OPCML: variants seen among roughly 807,000 people sequenced by gnomAD.
OPCML encodes opioid binding protein/cell adhesion molecule like.
OPCML carries 13 observed loss-of-function variants against 37.8 expected under a neutral mutation model. The ratio of observed to expected loss-of-function variants is 0.34; its 90% CI spans 0.22 to 0.55. The LOEUF (loss-of-function observed/expected upper bound fraction) is 0.55. OPCML is among the 20% of genes least tolerant of loss of function. OPCML has a pLI of 0.91. For missense variants in OPCML, 341 were observed against 435.6 expected, an observed-to-expected ratio of 0.78 and a Z score of 1.93; for synonymous variants, 176 against 168.8, an observed-to-expected ratio of 1.04 and a Z score of -0.33.
intron 2 of OPCML, among the ~76,000 whole-genome samples, chr11:132,846,472 C>T (rs953081186): frequency 2.6e-5 from 4 of 152,126 alleles, no homozygotes; most frequent in African/African-American, 9.7e-5. Flanking sequence ...TATCTGCTTC[C>T]TAATGAAAAT....
chr11:132,842,640 C>T (rs1399249151), intron 2 of OPCML, among the ~76,000 whole-genome samples: 2 of 152,138 alleles, frequency 1.3e-5, no homozygotes, highest in African/African-American at 4.8e-5. Context: ...CCTCTAGGTA[C>T]TATTTTCAAA....
At chr11:132,431,162 A>G (rs572061627) in intron 7 of OPCML, among the ~76,000 whole-genome samples, 2 of 152,226 alleles carry the variant, frequency 1.3e-5, no homozygotes, top group Non-Finnish European at 2.9e-5. Context: ...GGAGCAAGCT[A>G]CTGTGCAAAG....
chr11:133,213,227 T>TG (rs1388121377), intron 1 of OPCML, among the ~76,000 whole-genome samples: 1 of 144,134 alleles, frequency 6.9e-6, no homozygotes, highest in African/African-American at 2.8e-5. Context: ...TAATGAGTTT[T>TG]TTTTTTTTTT....
At chr11:133,135,338 C>T (rs1565464473) in intron 1 of OPCML, among the ~76,000 whole-genome samples, 3 of 152,098 alleles carry the variant, frequency 2.0e-5, no homozygotes, top group Admixed American at 2.0e-4. Context: ...ACCAGAATCA[C>T]ACCCTTTGAC....
intron 1 of OPCML, among the ~76,000 whole-genome samples, chr11:133,472,162 T>C (rs1668101638): frequency 6.6e-6 from 1 of 152,202 alleles, no homozygotes; most frequent in African/African-American, 2.4e-5. Flanking sequence ...TTTTAGTTGC[T>C]TTTCTTTTCT....
rs139778474 is a variant in OPCML at position 132,853,337 on chromosome 11, G to A, written c.146+89589C>T. Among the ~76,000 whole-genome samples the A allele has an allele frequency of 9.2e-3, 1,393 of 152,208 alleles. 12 individuals are homozygous for A. Among genetic ancestry groups the A allele is most frequent in the Non-Finnish European group, 0.013 (912 of 68,016 alleles). The stretch of plus-strand genomic sequence containing the variant: ...ATTTTTATATTATATAATGAAATGT[G>A]TCAATATTTGGAGGATCTGCATAAC... On this transcript the variant is annotated intron_variant, in intron 2 of 7. Coordinates refer to ENST00000524381, the MANE Select transcript of OPCML (RefSeq NM_001012393.5).
At chr11:133,155,915 G>A (rs1337719378) in intron 1 of OPCML, among the ~76,000 whole-genome samples, 1 of 152,046 alleles carries the variant, frequency 6.6e-6, no homozygotes, top group Non-Finnish European at 1.5e-5. Context: ...CCTGACCTTT[G>A]TACCTACTGA....
Position 133,188,920 on chromosome 11 carries a change from C to T in OPCML, c.62-245910G>A, listed in dbSNP as rs530220849. On this transcript the variant is annotated intron_variant, in intron 1 of 7. Transcript: ENST00000524381. ...GAAGGCTGGTTTAGTGATGGATTTG[C>T]ATTTACTACTAGCCAGGTGATATCA... Among the ~76,000 whole-genome samples, 17 of 152,222 alleles carry T rather than the reference C, an allele frequency of 1.1e-4. 1 individual carries two copies. The South Asian group carries it at 3.5e-3, about 32-fold the overall frequency.
chr11:132,601,002 C>T (rs946027783), intron 3 of OPCML, among the ~76,000 whole-genome samples: 5 of 151,736 alleles, frequency 3.3e-5, no homozygotes, highest in Non-Finnish European at 5.9e-5. Flanking sequence ...AAACAGTTAA[C>T]ATTAATCAAA....
chr11:132,771,724 A>G (rs1408678064), intron 2 of OPCML: 3 of 152,228 alleles, frequency 2.0e-5, no homozygotes, highest in Non-Finnish European at 4.4e-5. Flanking sequence ...GAGTCAGTCA[A>G]TGAAAACGCA....
At position 133,297,355 on chromosome 11, in the gene OPCML, A is replaced by G. The variant is rs373810488; in HGVS notation, c.61+234909T>C. 7.2e-5 allele frequency: 11 copies of G among 152,318 alleles called. No individual in the cohort carries two copies. In the East Asian group the frequency reaches 2.1e-3, roughly 29 times the overall value. The allele number at this position is 152,318 out of a possible 1,614,324, so 9.4% of individuals were successfully genotyped here. ...ACCCAAGTTTTAAATACCCAGGGAA[A>G]GGTCAGTTGTGAAAATGGAACTTTG... On this transcript the variant is annotated intron_variant, in intron 1 of 7. Coordinates refer to ENST00000524381, the MANE Select transcript of OPCML (RefSeq NM_001012393.5).
Position 133,205,300 on chromosome 11 carries a change from C to G in OPCML, c.62-262290G>C, listed in dbSNP as rs1485922681. Among the ~76,000 whole-genome samples, 1 of 152,146 alleles carries G rather than the reference C, an allele frequency of 6.6e-6. No individual in the cohort carries two copies. Among genetic ancestry groups the G allele is most frequent in the Admixed American group, 6.5e-5 (1 of 15,284 alleles). On this transcript the variant is annotated intron_variant, in intron 1 of 7. Transcript: ENST00000524381. This position sits in a 1 kb window ranked among gnomAD's most constrained non-coding sequence, Gnocchi z 4.8. Reference sequence around the variant, plus strand: ...TGGAAGAGGGCCTGGAAGCTCTACACCCCTCCCCGCTGCCTTGCCCCACAC... The same window carrying G: ...TGGAAGAGGGCCTGGAAGCTCTACAGCCCTCCCCGCTGCCTTGCCCCACAC...
At chr11:132,868,757 G>C (rs1298046440) in intron 2 of OPCML, among the ~76,000 whole-genome samples, 3 of 152,164 alleles carry the variant, frequency 2.0e-5, no homozygotes. Flanking sequence ...AGGATGATGG[G>C]CCAGAGGATG....
chr11:133,472,998 T>G (rs192429720), intron 1 of OPCML, among the ~76,000 whole-genome samples: 3 of 152,228 alleles, frequency 2.0e-5, no homozygotes, highest in Admixed American at 1.3e-4. Flanking sequence ...ACCATTTTAC[T>G]AAGGGACAAA....
chr11:132,660,403 T>A (rs1327051961), intron 2 of OPCML, among the ~76,000 whole-genome samples: 2 of 152,198 alleles, frequency 1.3e-5, no homozygotes, highest in African/African-American at 4.8e-5. Context: ...CTCTTTCAAT[T>A]TATTTTAATG....
intron 1 of OPCML, among the ~76,000 whole-genome samples, chr11:133,062,681 C>T (rs893043325): frequency 6.6e-6 from 1 of 152,216 alleles, no homozygotes; most frequent in Non-Finnish European, 1.5e-5. Context: ...GCCTGAGCGG[C>T]ATCCTTGGAG....
chr11:133,338,366 G>A lies in OPCML; in HGVS notation c.61+193898C>T, dbSNP rs142364366. On this transcript the variant is annotated intron_variant, in intron 1 of 7. Transcript: ENST00000524381. ...TGGGCGATGCCATATTGACTGGGGC[G>A]GGGTGAAGGGATGTGCCACAGCTGT... Among the ~76,000 whole-genome samples the A allele has an allele frequency of 1.6e-3, 242 of 152,244 alleles. 4 individuals are homozygous for A. The East Asian group carries it at 0.035, about 22-fold the overall frequency.
rs766954044 is a variant in OPCML at position 132,437,370 on chromosome 11, A to C, written c.506-11T>G. 3.1e-6 allele frequency: 5 copies of C among 1,613,430 alleles called. No individual in the cohort carries two copies. In the African/African-American group the frequency reaches 5.3e-5, roughly 17 times the overall value. ...CAAAGCCCTGGCCTTCTGGGAAGAAAGAAGCAGACAGGAAACAATCAGGAA... is the reference window on the plus strand; with the variant it reads ...CAAAGCCCTGGCCTTCTGGGAAGAACGAAGCAGACAGGAAACAATCAGGAA... On this transcript the variant is annotated splice_polypyrimidine_tract_variant and intron_variant, in intron 4 of 7. Coordinates refer to ENST00000524381, the MANE Select transcript of OPCML (RefSeq NM_001012393.5).
intron 3 of OPCML, among the ~76,000 whole-genome samples, chr11:132,604,959 G>A (rs956756330): frequency 6.6e-6 from 1 of 152,158 alleles, no homozygotes; most frequent in African/African-American, 2.4e-5. Context: ...TGAAGGTGGT[G>A]AGTATACCCA....
Sources: allele counts gnomAD v4.1 joint callset (sites outside exome capture counted in the v4.1 genomes callset), GRCh38; gene constraint gnomAD v4.1.1; non-coding constraint Gnocchi (gnomAD v3.1); transcripts MANE v1.5; gene names NCBI Gene and HGNC (gene_info 2026-07-23, HGNC 2026-07-21).